YBX2: variants seen among roughly 807,000 people sequenced by gnomAD.
The protein encoded by YBX2 is Y-box binding protein 2.
A neutral mutation model predicts 44.4 loss-of-function variants in YBX2; 5 were observed. The observed-to-expected ratio is 0.11, with a 90% CI of 0.06 to 0.24. The LOEUF (loss-of-function observed/expected upper bound fraction) is 0.24, where lower values mean the gene tolerates loss of function less well. Among genes scored for constraint, YBX2 ranks in the 10% least tolerant of loss-of-function variants. YBX2 has a pLI of 1.00. For missense variants in YBX2, 417 were observed against 526.9 expected, an observed-to-expected ratio of 0.79 and a Z score of 2.04; for synonymous variants, 188 against 216.1, an observed-to-expected ratio of 0.87 and a Z score of 1.14.
Position 7,290,361 on chromosome 17 carries a change from G to A in YBX2, c.634C>T (p.Arg212Trp), listed in dbSNP as rs768696219. 1.9e-5 allele frequency: 31 copies of A among 1,613,656 alleles called. No homozygotes were observed. In the African/African-American group the frequency reaches 2.0e-4, roughly 10 times the overall value. ...AGTGPGSKGE[R>W]AEDSGQRPRR... Reference sequence around the variant, plus strand: ...GGCCGTTGCCCAGAGTCTTCAGCCCGCTCCCCTTTACTGCCAGGTCCTGTC... The same window carrying A: ...GGCCGTTGCCCAGAGTCTTCAGCCCACTCCCCTTTACTGCCAGGTCCTGTC... The change falls in exon 5 of 9, where the codon CGG (arginine) becomes TGG (tryptophan). Residue 212 changes from arginine to tryptophan, a missense_variant. Physicochemically the swap from Arg to Trp is moderately radical, Grantham distance 101. Around this residue, in one of 3 missense-constraint regions of YBX2, gnomAD observed 257 missense variants for 261.7 expected, o/e 0.98. Coordinates refer to ENST00000007699, the MANE Select transcript of YBX2 (RefSeq NM_015982.4).
In YBX2 at chr17:7,291,986, C is replaced by T. The variant is rs747832124; in HGVS notation, c.369+40G>A. 7.4e-6 allele frequency: 12 copies of T among 1,613,256 alleles called. No individual in the cohort carries two copies. Among genetic ancestry groups the T allele is most frequent in the South Asian group, 2.2e-5 (2 of 91,076 alleles). ...GGATTACAGCAAAGGCCTTCAAAGA[C>T]GGCCGGTTCTTCCCCTCAGAAAGCT... On this transcript the variant is annotated intron_variant, in intron 3 of 8. Coordinates refer to ENST00000007699, the MANE Select transcript of YBX2 (RefSeq NM_015982.4). This position sits in a 1 kb window ranked among gnomAD's most constrained non-coding sequence, Gnocchi z 5.8.
At chr17:7,293,429 G>A (rs780614413) in intron 2 of YBX2, 46 bp downstream of exon 2, 1 of 1,613,274 alleles carries the variant, frequency 6.2e-7, no homozygotes, top group Admixed American at 1.7e-5. Flanking sequence ...CCACAGGCCA[G>A]CTGGGAAGAC....
rs768982078 is a variant in YBX2 at position 7,290,292 on chromosome 17, C to T, written c.703G>A (p.Val235Met). Residue 235 changes from valine to methionine, a missense_variant, in exon 5 of 9, where the codon GTG (valine) becomes ATG (methionine). Around this residue, in one of 3 missense-constraint regions of YBX2, gnomAD observed 257 missense variants for 261.7 expected, o/e 0.98. Coordinates refer to ENST00000007699, the MANE Select transcript of YBX2 (RefSeq NM_015982.4). ...PPPFFYRRRFVRGPRPPNQQQ... is the reference protein window; with the variant it reads ...PPPFFYRRRFMRGPRPPNQQQ... ...TGGTTGGGAGGCCGGGGGCCTCGCA[C>T]AAACCGCCGTCGGTAGAAGAAGGGT... 5 of 1,613,494 alleles carry T rather than the reference C, an allele frequency of 3.1e-6. 1 individual carries two copies. In the South Asian group the frequency reaches 5.5e-5, roughly 18 times the overall value.
chr17:7,293,341 G>C (rs1200856441), intron 2 of YBX2, 134 bp downstream of exon 2: 2 of 1,500,628 alleles, frequency 1.3e-6, no homozygotes, highest in Admixed American at 3.9e-5. Context: ...TGCGGTTAAA[G>C]GCTTTCAACC....
chr17:7,293,575 G>A, intron 1 of YBX2, 37 bp from the exon 2 acceptor site: 1 of 1,613,976 alleles, frequency 6.2e-7, no homozygotes, highest in South Asian at 1.1e-5. Context: ...AGTGAGATGG[G>A]GGGAAGAGAT....
intron 7 of YBX2, 54 bp downstream of exon 7, chr17:7,289,476 G>A (rs1011689453): frequency 1.2e-5 from 19 of 1,553,608 alleles, no homozygotes; most frequent in South Asian, 9.4e-5. Flanking sequence ...AGGAGCAGGT[G>A]GGGGAGGGAG....
chr17:7,294,469 G>A lies in YBX2; in HGVS notation c.32C>T (p.Thr11Ile). ...GGGCACCGTCGCCGCGGGGACCGCT[G>A]TAGCCCCCGCTGCCGCCTCCACCTC... MSEVEAAAGA[T>I]AVPAATVPAT... is the part of the protein sequence containing the mutation. Residue 11 changes from threonine to isoleucine, a missense_variant, in exon 1 of 9, where the codon ACA becomes ATA. Transcript: ENST00000007699. The surrounding 1 kb of genome is among the most constrained non-coding windows in gnomAD (Gnocchi z 4.6). 1 of 1,477,176 alleles carries A rather than the reference G, an allele frequency of 6.8e-7. No homozygotes were observed. The highest frequency in any genetic ancestry group is 9.0e-7 in the Non-Finnish European group (1 of 1,117,246). 91.5% of individuals were successfully genotyped at this position (1,477,176 alleles called of 1,614,324 possible).
intron 8 of YBX2, 29 bp from the exon 9 acceptor site, chr17:7,288,672 G>A: frequency 8.0e-7 from 1 of 1,246,014 alleles, no homozygotes; most frequent in Non-Finnish European, 1.2e-6. Flanking sequence ...TGGACGGATT[G>A]TGAACAACAG....
chr17:7,288,615 A>T lies in YBX2; in HGVS notation c.*68T>A. On this transcript the variant is annotated 3_prime_UTR_variant, in exon 9 of 9. Coordinates refer to ENST00000007699, the MANE Select transcript of YBX2 (RefSeq NM_015982.4). ...GGGGGAGCAGGGTACTGGGTAGGGTACAGGTCATTTGGAAAAACTGGCAGA... is the reference window on the plus strand; with the variant it reads ...GGGGGAGCAGGGTACTGGGTAGGGTTCAGGTCATTTGGAAAAACTGGCAGA... 2 of 692,220 alleles carry T rather than the reference A, an allele frequency of 2.9e-6. No homozygotes were observed. The highest frequency in any genetic ancestry group is 5.1e-6 in the Non-Finnish European group (2 of 394,546). The allele number at this position is 692,220 out of a possible 1,614,324, so 42.9% of individuals were successfully genotyped here.
chr17:7,291,218 G>A lies in YBX2; in HGVS notation c.370-36C>T. 1.3e-6 allele frequency: 2 copies of A among 1,592,384 alleles called. No homozygotes were observed. The highest frequency in any genetic ancestry group is 1.1e-5 in the South Asian group (1 of 90,592). ...AAAAGGCCATGTGAAAAGTGAGACA[G>A]CAAGACAGGAGTCTCTGTCACCCCT... On this transcript the variant is annotated intron_variant, in intron 3 of 8. Coordinates refer to ENST00000007699, the MANE Select transcript of YBX2 (RefSeq NM_015982.4). The surrounding 1 kb of genome is among the most constrained non-coding windows in gnomAD (Gnocchi z 5.8).
At position 7,290,441 on chromosome 17, in the gene YBX2, G is replaced by A. The variant is rs61735043; in HGVS notation, c.554C>T (p.Pro185Leu). 4 of 1,614,028 alleles carry A rather than the reference G, an allele frequency of 2.5e-6. No homozygotes were observed. The African/African-American group carries it at 4.0e-5, about 16-fold the overall frequency. ...PNRRKSRRFI[P>L]RPPSVAPPPM... ...TGGTGGGGCAACTGAGGGAGGCCGG[G>A]GGATGAATCGGCGGGACTTACGTCG... Residue 185 changes from proline to leucine, a missense_variant, in exon 5 of 9, where the codon CCC becomes CTC. Pro to Leu is a moderately conservative substitution (Grantham distance 98). This residue lies in a region of YBX2 where 257 missense variants were observed against 261.7 expected (regional missense o/e 0.98). Transcript: ENST00000007699.
At position 7,291,957 on chromosome 17, in the gene YBX2, C is replaced by T; in HGVS notation, c.369+69G>A. 1 of 1,597,592 alleles carries T rather than the reference C, an allele frequency of 6.3e-7. No homozygotes were observed. The highest frequency in any genetic ancestry group is 2.2e-5 in the East Asian group (1 of 44,782). The stretch of plus-strand genomic sequence containing the variant: ...CAGAGAAACATGGCGGAGCGCACTG[C>T]TAAGGATTACAGCAAAGGCCTTCAA... On this transcript the variant is annotated intron_variant, in intron 3 of 8. Coordinates refer to ENST00000007699, the MANE Select transcript of YBX2 (RefSeq NM_015982.4). The surrounding 1 kb of genome is among the most constrained non-coding windows in gnomAD (Gnocchi z 5.8).
chr17:7,290,869 G>A (rs928481824), intron 4 of YBX2, among the ~76,000 whole-genome samples: 3 of 152,168 alleles, frequency 2.0e-5, no homozygotes, highest in African/African-American at 7.2e-5. Flanking sequence ...GAAGTGCTTG[G>A]TGAACTAGAG....
In YBX2 at chr17:7,293,748, T is replaced by G. The variant is rs187819947; in HGVS notation, c.272-210A>C. 133 of 983,730 alleles carry G rather than the reference T, an allele frequency of 1.4e-4. No individual in the cohort carries two copies. In the African/African-American group the frequency reaches 2.1e-3, roughly 16 times the overall value. The allele number at this position is 983,730 out of a possible 1,614,324, so 60.9% of individuals were successfully genotyped here. On this transcript the variant is annotated intron_variant, in intron 1 of 8. Coordinates refer to ENST00000007699, the MANE Select transcript of YBX2 (RefSeq NM_015982.4). ...AAATCACCCACACAGGGACTCAGGC[T>G]TTCAAAAAGCCTTCCAACTCTAAGT... is the stretch of plus-strand genomic sequence containing the variant.
Position 7,294,354 on chromosome 17 carries a change from G to T in YBX2, c.147C>A (p.Ala49=), listed in dbSNP as rs1300463143. Residue 49 remains alanine, a synonymous_variant, in exon 1 of 9, where the codon GCC becomes GCA. Transcript: ENST00000007699. The surrounding 1 kb of genome is among the most constrained non-coding windows in gnomAD (Gnocchi z 4.6). The part of the protein sequence containing the change: ...KGGGAGGGGG[A]ASGPAAGTPS... ...GGGTCCCAGCAGCGGGGCCCGAGGC[G>T]GCTCCGCCCCCGCCGCCCGCCCCGC... is the stretch of plus-strand genomic sequence containing the variant. 8.1e-6 allele frequency: 11 copies of T among 1,362,272 alleles called. No individual in the cohort carries two copies. In the Admixed American group the frequency reaches 1.9e-4, roughly 24 times the overall value. The allele number at this position is 1,362,272 out of a possible 1,614,324, so 84.4% of individuals were successfully genotyped here.
chr17:7,289,848 G>A, intron 6 of YBX2, 120 bp downstream of exon 6: 3 of 1,584,678 alleles, frequency 1.9e-6, no homozygotes, highest in Non-Finnish European at 2.6e-6. Context: ...TCCCCGCAAG[G>A]CACCTGTCTC....
At position 7,289,735 on chromosome 17, in the gene YBX2, G is replaced by A; in HGVS notation, c.849-10C>T. 2 of 1,551,684 alleles carry A rather than the reference G, an allele frequency of 1.3e-6. No homozygotes were observed. The highest frequency in any genetic ancestry group is 2.2e-5 in the South Asian group (2 of 89,212). On this transcript the variant is annotated splice_polypyrimidine_tract_variant and intron_variant, in intron 6 of 8. Coordinates refer to ENST00000007699, the MANE Select transcript of YBX2 (RefSeq NM_015982.4). ...CCTGGGGCGGAAAGGCCTAAGGCAA[G>A]GAACAAGGCTCTGAGGGGACCAGGG...
rs577122396 is a variant in YBX2 at position 7,289,182 on chromosome 17, C to T, written c.1045-344G>A. On this transcript the variant is annotated intron_variant, in intron 7 of 8. Coordinates refer to ENST00000007699, the MANE Select transcript of YBX2 (RefSeq NM_015982.4). ...GGGCTGAGACTTGTTCTTCAGGGCC[C>T]TGAACTTCAACCTTCTTTCACTTTT... Among the ~76,000 whole-genome samples the T allele has an allele frequency of 6.6e-5, 10 of 152,150 alleles. No individual in the cohort carries two copies. In the South Asian group the frequency reaches 2.1e-3, roughly 32 times the overall value.
At position 7,290,258 on chromosome 17, in the gene YBX2, G is replaced by C; in HGVS notation, c.737C>G (p.Pro246Arg). 6.2e-7 allele frequency: 1 copy of C among 1,612,754 alleles called. No individual in the cohort carries two copies. The highest frequency in any genetic ancestry group is 1.1e-5 in the South Asian group (1 of 90,948). The change falls in exon 5 of 9, where the codon CCT (proline) becomes CGT (arginine). Residue 246 changes from proline to arginine, a missense_variant. This residue lies in a region of YBX2 where 257 missense variants were observed against 261.7 expected (regional missense o/e 0.98). Coordinates refer to ENST00000007699, the MANE Select transcript of YBX2 (RefSeq NM_015982.4). ...ATTCCAGCATCCCCTCACCTCTATA[G>C]GCTGCTGCTGGTTGGGAGGCCGGGG... ...RGPRPPNQQQ[P>R]IEGTDRVEPK...
Sources: allele counts gnomAD v4.1 joint callset (sites outside exome capture counted in the v4.1 genomes callset), GRCh38; gene constraint gnomAD v4.1.1; regional missense constraint gnomAD v4.1.1; non-coding constraint Gnocchi (gnomAD v3.1); transcripts MANE v1.5; gene names NCBI Gene and HGNC (gene_info 2026-07-23, HGNC 2026-07-21).